Variants in NOL4 observed in about 807,000 individuals in gnomAD.
NOL4 encodes the protein cancer/testis antigen 125.
In NOL4, 17 loss-of-function variants were observed where a neutral mutation model predicts 75.9. That is an observed-to-expected ratio of 0.22 (90% CI 0.15 to 0.34). The LOEUF is 0.34. Among genes scored for constraint, NOL4 ranks in the 10% least tolerant of loss-of-function variants. NOL4 has a pLI of 1.00. For missense variants in NOL4, 614 were observed against 793.5 expected, an observed-to-expected ratio of 0.77 and a Z score of 2.72; for synonymous variants, 292 against 289.9, an observed-to-expected ratio of 1.01 and a Z score of -0.07.
At chr18:34,067,028 C>T (rs1229216861) in intron 5 of NOL4, among the ~76,000 whole-genome samples, 1 of 151,806 alleles carries the variant, frequency 6.6e-6, no homozygotes, top group African/African-American at 2.4e-5. Flanking sequence ...ATTTTTTCAT[C>T]CTACTTATAT....
chr18:33,996,809 G>A (rs774593086), intron 6 of NOL4, among the ~76,000 whole-genome samples: 1 of 151,774 alleles, frequency 6.6e-6, no homozygotes, highest in Non-Finnish European at 1.5e-5. Context: ...CAAGTCCACT[G>A]TTGATGGGAA....
chr18:34,215,222 T>C (rs903703903), intron 1 of NOL4, among the ~76,000 whole-genome samples: 6 of 152,140 alleles, frequency 3.9e-5, no homozygotes, highest in Non-Finnish European at 7.4e-5. Flanking sequence ...CAGATAGATA[T>C]AGATGTAGAT....
intron 6 of NOL4, among the ~76,000 whole-genome samples, chr18:33,994,670 G>A (rs1325479779): frequency 6.6e-6 from 1 of 151,442 alleles, no homozygotes; most frequent in East Asian, 1.9e-4. Flanking sequence ...CTAGCTGTAG[G>A]CACTTATATT....
chr18:33,995,904 G>T (rs539687723), intron 6 of NOL4, among the ~76,000 whole-genome samples: 1 of 151,916 alleles, frequency 6.6e-6, no homozygotes, highest in Admixed American at 6.6e-5. Context: ...TGTTGCTGTT[G>T]TTGGGTGGAG....
At chr18:33,921,897 CTT>C (rs1230779876) in intron 9 of NOL4, among the ~76,000 whole-genome samples, 1 of 152,200 alleles carries the variant, frequency 6.6e-6, no homozygotes, top group Non-Finnish European at 1.5e-5. Flanking sequence ...CTACCCTACT[CTT>C]GTTTCATGTG....
intron 9 of NOL4, among the ~76,000 whole-genome samples, chr18:33,935,306 G>C (rs2067985089): frequency 6.6e-6 from 1 of 152,058 alleles, no homozygotes; most frequent in South Asian, 2.1e-4. Flanking sequence ...TCTAGCTTTT[G>C]ATTTAAAGTC....
At chr18:34,157,918 T>A (rs1191403885) in intron 1 of NOL4, among the ~76,000 whole-genome samples, 2 of 152,172 alleles carry the variant, frequency 1.3e-5, no homozygotes, top group Non-Finnish European at 2.9e-5. Flanking sequence ...ACCTAGGGCT[T>A]GCACTATATC....
chr18:33,891,779 T>A (rs1389297201), intron 9 of NOL4, among the ~76,000 whole-genome samples: 8 of 152,316 alleles, frequency 5.3e-5, no homozygotes, highest in East Asian at 3.9e-4. Context: ...ATACATTTTT[T>A]AAAAATTCCC....
intron 5 of NOL4, among the ~76,000 whole-genome samples, chr18:34,058,353 C>A (rs546290725): frequency 1.3e-5 from 2 of 152,168 alleles, no homozygotes; most frequent in Non-Finnish European, 2.9e-5. Context: ...CTAGGATGGT[C>A]TCGATCTCCT....
At chr18:34,003,763 T>C (rs1161537480) in intron 6 of NOL4, among the ~76,000 whole-genome samples, 1 of 151,998 alleles carries the variant, frequency 6.6e-6, no homozygotes. Flanking sequence ...TACTGCCTTG[T>C]AAACTAAAAA....
At chr18:34,217,923 G>T (rs2037026800) in intron 1 of NOL4, among the ~76,000 whole-genome samples, 1 of 151,964 alleles carries the variant, frequency 6.6e-6, no homozygotes, top group Non-Finnish European at 1.5e-5. Context: ...CAGAACTCCA[G>T]TAAACGTCAG....
intron 10 of NOL4, among the ~76,000 whole-genome samples, chr18:33,882,398 C>A (rs995272005): frequency 6.6e-6 from 1 of 152,028 alleles, no homozygotes; most frequent in Non-Finnish European, 1.5e-5. Flanking sequence ...GGGTGAAGGA[C>A]ATGAACAGAC....
chr18:34,069,996 T>A (rs2077442233), intron 5 of NOL4, among the ~76,000 whole-genome samples: 1 of 152,220 alleles, frequency 6.6e-6, no homozygotes. Context: ...ATGCCAACAG[T>A]CTTCAATTAG....
At chr18:34,077,478 T>C (rs1043743305) in intron 5 of NOL4, among the ~76,000 whole-genome samples, 1 of 152,104 alleles carries the variant, frequency 6.6e-6, no homozygotes, top group Non-Finnish European at 1.5e-5. Context: ...AAAATGTGTA[T>C]ATATCCACAC....
intron 5 of NOL4, among the ~76,000 whole-genome samples, chr18:34,064,890 A>G (rs2077204151): frequency 1.3e-5 from 2 of 151,148 alleles, no homozygotes; most frequent in African/African-American, 2.4e-5. Context: ...TTCAAAAACC[A>G]TGAGTTTTAT....
At chr18:33,909,630 C>G (rs975344624) in intron 9 of NOL4, among the ~76,000 whole-genome samples, 9 of 151,998 alleles carry the variant, frequency 5.9e-5, no homozygotes, top group Admixed American at 5.9e-4. Context: ...TATCTCATGT[C>G]TATAACCCAG....
intron 9 of NOL4, among the ~76,000 whole-genome samples, chr18:33,897,092 T>C (rs2065456983): frequency 6.6e-6 from 1 of 152,052 alleles, no homozygotes; most frequent in Non-Finnish European, 1.5e-5. Context: ...TCAGAATGGC[T>C]ATTACTAAAA....
At chr18:34,196,039 A>T (rs1314257438) in intron 1 of NOL4, among the ~76,000 whole-genome samples, 1 of 151,350 alleles carries the variant, frequency 6.6e-6, no homozygotes, top group African/African-American at 2.4e-5. Flanking sequence ...AATAAATCTC[A>T]TTTTCTGACC....
chr18:33,886,082 T>G (rs1053177882), intron 9 of NOL4, among the ~76,000 whole-genome samples: 27 of 152,110 alleles, frequency 1.8e-4, no homozygotes, highest in Non-Finnish European at 4.4e-5. Context: ...AGACAAACAT[T>G]GCATATTCTC....
Sources: gnomAD v4.1 joint callset for allele counts (sites outside exome capture counted in the v4.1 genomes callset) on GRCh38, gnomAD v4.1.1 for gene constraint, MANE v1.5 for transcripts, NCBI Gene and HGNC (gene_info 2026-07-23, HGNC 2026-07-21) for gene names.